COL13A1: variants seen among roughly 807,000 people sequenced by gnomAD.
The protein encoded by COL13A1 is collagen alpha-1(XIII) chain.
Under a neutral mutation model 130.9 loss-of-function variants are expected in COL13A1, and 89 were observed. The observed-to-expected ratio is 0.68, with a 90% CI of 0.57 to 0.81. The LOEUF is 0.81. Ranked by LOEUF, COL13A1 falls within the 30% of genes least tolerant of loss-of-function variation. The pLI is 0.00. For missense variants in COL13A1, 879 were observed against 934.6 expected (o/e 0.94, Z 0.78); for synonymous variants, 402 against 341.6 (o/e 1.18, Z -1.95).
chr10:69,902,980 G>T, intron 15 of COL13A1, 125 bp downstream of exon 15: 2 of 690,018 alleles, frequency 2.9e-6, no homozygotes, highest in African/African-American at 1.8e-5. Context: ...CATTGGATGT[G>T]GGTGAACCAT....
rs183515875 is a variant in COL13A1 at position 69,900,666 on chromosome 10, A to G, written c.750+1904A>G. 2.0e-5 allele frequency among the ~76,000 whole-genome samples: 3 copies of G among 152,358 alleles called. No individual in the cohort carries two copies. In the East Asian group the frequency reaches 5.8e-4, roughly 29 times the overall value. ...TAAACATTGGGTCTAAGATTCACTG[A>G]AAAAGGAAGCTTTATATGAAATATG... On this transcript the variant is annotated intron_variant, in intron 14 of 40. Coordinates refer to ENST00000645393, the MANE Select transcript of COL13A1 (RefSeq NM_001368882.1).
At chr10:69,871,234 G>A (rs1333067374) in intron 3 of COL13A1, among the ~76,000 whole-genome samples, 1 of 152,132 alleles carries the variant, frequency 6.6e-6, no homozygotes, top group African/African-American at 2.4e-5. Flanking sequence ...CTGTCCTTGT[G>A]GGGGCCTGGG....
intron 3 of COL13A1, among the ~76,000 whole-genome samples, chr10:69,871,662 A>G (rs2059082793): frequency 6.6e-6 from 1 of 152,186 alleles, no homozygotes; most frequent in African/African-American, 2.4e-5. Flanking sequence ...CCTTTGGTTT[A>G]TGGGAACAGT....
chr10:69,935,390 CG>C lies in COL13A1; in HGVS notation c.1770+1del. 6.4e-7 allele frequency: 1 copy of C among 1,561,670 alleles called. No individual in the cohort carries two copies. The highest frequency in any genetic ancestry group is 8.7e-7 in the Non-Finnish European group (1 of 1,152,750). ...LPGPEGPPGP[P>X]GLQGVPGPKG... ...GGGCCAGAGGGGCCTCCCGGACCTC[CG>C]GTAAGTTTGGAGGGCTTGTCAGTGG... On this transcript the variant is annotated frameshift_variant and splice_region_variant, in exon 32 of 41. Transcript: ENST00000645393. LOFTEE classifies it high-confidence loss of function.
At chr10:69,911,793 C>T (rs2063407973) in intron 17 of COL13A1, among the ~76,000 whole-genome samples, 2 of 152,242 alleles carry the variant, frequency 1.3e-5, no homozygotes, top group African/African-American at 4.8e-5. Flanking sequence ...TGCCCATTGG[C>T]ACTGACTCCA....
rs1840192790 is a variant in COL13A1, at chr10:69,802,229, T to G, written c.-195T>G. On this transcript the variant is annotated 5_prime_UTR_variant, in exon 1 of 41. Coordinates refer to ENST00000645393, the MANE Select transcript of COL13A1 (RefSeq NM_001368882.1). ...CACCTAGGTGTACCCCAATTACCGC[T>G]GGTTGTGCTTTTTCGGCACTTCCTC... is the stretch of plus-strand genomic sequence containing the variant. 9 of 594,490 alleles carry G rather than the reference T, an allele frequency of 1.5e-5. No homozygotes were observed. The highest frequency in any genetic ancestry group is 2.1e-5 in the Non-Finnish European group (8 of 374,744). 36.8% of individuals were successfully genotyped at this position (594,490 alleles called of 1,614,324 possible).
chr10:69,867,875 G>A (rs1589174440), intron 3 of COL13A1, 70 bp downstream of exon 3: 2 of 716,614 alleles, frequency 2.8e-6, no homozygotes, highest in Admixed American at 2.0e-5. Context: ...GGGGTTCTGG[G>A]TGGGGGCACT....
At chr10:69,935,774 CT>C (rs1266212088) in intron 32 of COL13A1, among the ~76,000 whole-genome samples, 1 of 152,116 alleles carries the variant, frequency 6.6e-6, no homozygotes, top group Non-Finnish European at 1.5e-5. Context: ...CTCTGGGAGG[CT>C]GAGGCAGGTG....
At chr10:69,875,078 C>T (rs1410227862) in intron 4 of COL13A1, 50 bp from the exon 5 acceptor site, 18 of 1,613,198 alleles carry the variant, frequency 1.1e-5, no homozygotes, top group Middle Eastern at 1.6e-4. Context: ...CCTTCACATG[C>T]TAGCCTGGTT....
intron 3 of COL13A1, among the ~76,000 whole-genome samples, chr10:69,871,244 G>A (rs1292311442): frequency 4.6e-5 from 7 of 152,148 alleles, no homozygotes; most frequent in East Asian, 1.9e-4. Context: ...GGGGGCCTGG[G>A]AAAGCAGGAG....
At chr10:69,864,838 G>A (rs917019153) in intron 2 of COL13A1, among the ~76,000 whole-genome samples, 24 of 152,182 alleles carry the variant, frequency 1.6e-4, no homozygotes, top group African/African-American at 5.5e-4. Context: ...TCAGCAGGGA[G>A]GTCTCAGGCA....
intron 2 of COL13A1, among the ~76,000 whole-genome samples, chr10:69,867,436 A>T (rs1484229164): frequency 6.6e-6 from 1 of 152,130 alleles, no homozygotes; most frequent in Non-Finnish European, 1.5e-5. Flanking sequence ...CGCCTTTCTC[A>T]GTGTGCCTCG....
chr10:69,916,189 A>G (rs548683434), intron 17 of COL13A1, among the ~76,000 whole-genome samples: 9 of 152,170 alleles, frequency 5.9e-5, no homozygotes, highest in Non-Finnish European at 1.3e-4. Context: ...AGAACACCAG[A>G]TCCCCTCTGC....
intron 5 of COL13A1, among the ~76,000 whole-genome samples, chr10:69,875,946 C>T (rs1050717079): frequency 6.6e-6 from 1 of 152,218 alleles, no homozygotes; most frequent in Non-Finnish European, 1.5e-5. Flanking sequence ...GGACCCCTGA[C>T]CACCCCCATG....
Position 69,932,617 on chromosome 10 carries a change from T to A in COL13A1, c.1728+13T>A. ...TCCAGGAGCAGAGGTACATGAGAGA[T>A]AATTTGACAGAGACTCATCAAGCGA... On this transcript the variant is annotated intron_variant, in intron 31 of 40. Transcript: ENST00000645393. 1.3e-6 allele frequency: 2 copies of A among 1,582,258 alleles called. No individual in the cohort carries two copies. The highest frequency in any genetic ancestry group is 1.3e-5 in the African/African-American group (1 of 74,420).
Position 69,953,390 on chromosome 10 carries a change from C to T in COL13A1, c.2145+422C>T, listed in dbSNP as rs543519049. 1.2e-3 allele frequency among the ~76,000 whole-genome samples: 182 copies of T among 152,318 alleles called. 1 individual carries two copies. The highest frequency in any genetic ancestry group is 0.012 in the Admixed American group (178 of 15,298). On this transcript the variant is annotated intron_variant, in intron 39 of 40. Coordinates refer to ENST00000645393, the MANE Select transcript of COL13A1 (RefSeq NM_001368882.1). ...CAAGCTGTCTGAATCCTCACTTGAT[C>T]AGGATGCAGGACACCAGAGTTAGCG... is the stretch of plus-strand genomic sequence containing the variant.
intron 28 of COL13A1, among the ~76,000 whole-genome samples, chr10:69,929,694 C>G (rs1428299452): frequency 1.3e-5 from 2 of 152,174 alleles, no homozygotes; most frequent in African/African-American, 4.8e-5. Context: ...TCAGGGGAGA[C>G]AGGAAGGCAA....
At chr10:69,952,599 C>T (rs1344067874) in intron 38 of COL13A1, among the ~76,000 whole-genome samples, 1 of 152,148 alleles carries the variant, frequency 6.6e-6, no homozygotes, top group Admixed American at 6.5e-5. Context: ...ATTAGCAAAA[C>T]CGGCCACCAA....
intron 38 of COL13A1, among the ~76,000 whole-genome samples, chr10:69,947,840 G>A (rs769156601): frequency 2.6e-5 from 4 of 152,150 alleles, no homozygotes; most frequent in Non-Finnish European, 5.9e-5. Flanking sequence ...GGAAAGAGTC[G>A]GCAGGGCTCT....
Sources: gnomAD v4.1 joint callset for allele counts (sites outside exome capture counted in the v4.1 genomes callset) on GRCh38, gnomAD v4.1.1 for gene constraint, MANE v1.5 for transcripts, NCBI Gene and HGNC (gene_info 2026-07-23, HGNC 2026-07-21) for gene names.